TMEM74: variants seen among roughly 807,000 people sequenced by gnomAD.
TMEM74 encodes transmembrane protein 74.
In TMEM74, 13 loss-of-function variants were observed where a neutral mutation model predicts 18.1. The observed-to-expected ratio is 0.72, with a 90% CI of 0.47 to 1.14. The LOEUF is 1.14. Ranked by LOEUF, TMEM74 falls within the 50% of genes most tolerant of loss-of-function variation. The probability of loss-of-function intolerance (pLI) is 0.00; values close to 1 mark genes in which losing one functional copy is unlikely to be tolerated. For synonymous variants in TMEM74, 159 were observed against 146.6 expected (o/e 1.08, Z -0.61); for missense variants, 372 against 375.9 (o/e 0.99, Z 0.09).
At chr8:108,727,681 T>C (rs1406811507) in intron 1 of TMEM74, among the ~76,000 whole-genome samples, 1 of 152,164 alleles carries the variant, frequency 6.6e-6, no homozygotes, top group Non-Finnish European at 1.5e-5. Flanking sequence ...GAACTGGAGA[T>C]ACAACTTTGG....
chr8:108,654,889 C>T (rs968634986), intron 2 of TMEM74, among the ~76,000 whole-genome samples: 3 of 151,874 alleles, frequency 2.0e-5, no homozygotes, highest in Non-Finnish European at 4.4e-5. Flanking sequence ...TTAGTTCCAT[C>T]GTATACTGTA....
chr8:108,787,282 C>T lies in TMEM74; in HGVS notation c.-40+194G>A, dbSNP rs146681813. On this transcript the variant is annotated intron_variant, in intron 1 of 1. Coordinates refer to ENST00000297459, the MANE Select transcript of TMEM74 (RefSeq NM_153015.3). ...AAGCACCTGGCAGCGGTGCCCCCAG[C>T]AGGCGCCGAGGAATCCGGCTATCCA... 5.3e-3 allele frequency among the ~76,000 whole-genome samples: 801 copies of T among 152,300 alleles called. 4 individuals are homozygous for T. The highest frequency in any genetic ancestry group is 0.018 in the African/African-American group (751 of 41,562).
chr8:108,657,442 T>C (rs1038305643), intron 1 of TMEM74, among the ~76,000 whole-genome samples: 1 of 152,092 alleles, frequency 6.6e-6, no homozygotes, highest in African/African-American at 2.4e-5. Flanking sequence ...ATGTTTGGGT[T>C]CCTGGATGCT....
chr8:108,735,649 A>G (rs1351295263), intron 1 of TMEM74, among the ~76,000 whole-genome samples: 1 of 152,190 alleles, frequency 6.6e-6, no homozygotes, highest in Non-Finnish European at 1.5e-5. Flanking sequence ...TTTAAATGTT[A>G]TGAATAATCC....
At chr8:108,765,367 G>A (rs1257485744) in intron 1 of TMEM74, among the ~76,000 whole-genome samples, 2 of 149,844 alleles carry the variant, frequency 1.3e-5, no homozygotes, top group African/African-American at 2.5e-5. Context: ...GGACCCCATA[G>A]GCAACACAAC....
chr8:108,634,921 G>A (rs145080176), intron 2 of TMEM74, among the ~76,000 whole-genome samples: 6 of 152,088 alleles, frequency 3.9e-5, no homozygotes, highest in Non-Finnish European at 8.8e-5. Context: ...CCCAAAGTGA[G>A]TCTTACACGC....
intron 1 of TMEM74, among the ~76,000 whole-genome samples, chr8:108,760,060 C>T (rs907498160): frequency 6.6e-6 from 1 of 151,496 alleles, no homozygotes; most frequent in Non-Finnish European, 1.5e-5. Flanking sequence ...GTAGTTGTAG[C>T]TACTCAGGAG....
At chr8:108,718,847 CAT>C (rs1374723885) in intron 1 of TMEM74, among the ~76,000 whole-genome samples, 1 of 151,800 alleles carries the variant, frequency 6.6e-6, no homozygotes, top group Non-Finnish European at 1.5e-5. Flanking sequence ...TTTATATTCA[CAT>C]AGTTTAAATG....
rs1563543700 is a variant in TMEM74, at chr8:108,756,638, G to GAAA, written n.119+30837_119+30838insTTT. Among the ~76,000 whole-genome samples, 273 of 69,158 alleles carry GAAA rather than the reference G, an allele frequency of 3.9e-3. 3 individuals carry two copies. Among genetic ancestry groups the GAAA allele is most frequent in the Non-Finnish European group, 5.1e-3 (186 of 36,712 alleles). The allele number at this position is 69,158 out of a possible 152,430, so 45.4% of individuals were successfully genotyped here. A position where few individuals can be genotyped will look rare whatever the true frequency, so the allele number is the denominator to read the frequency against. On this transcript the variant is annotated intron_variant and non_coding_transcript_variant, in intron 1 of 3. Transcript: ENST00000518838. ...AGGAAGGAAGGAAGGAAGGAAGGAA[G>GAAA]GAAGAAAGAAAGAGAAAGAAAGAAA... is the stretch of plus-strand genomic sequence containing the variant.
intron 1 of TMEM74, among the ~76,000 whole-genome samples, chr8:108,732,497 C>T (rs1249845369): frequency 1.3e-5 from 2 of 151,996 alleles, no homozygotes; most frequent in Non-Finnish European, 2.9e-5. Context: ...AGATGTGTTA[C>T]AAAGTTGCAG....
At chr8:108,701,197 T>TAA (rs34352264) in intron 1 of TMEM74, among the ~76,000 whole-genome samples, 71 of 135,438 alleles carry the variant, frequency 5.2e-4, no homozygotes, top group Non-Finnish European at 9.5e-4. Flanking sequence ...ATTCATGACT[T>TAA]AAAAAAAAAA....
At chr8:108,667,071 C>T (rs1167640079) in intron 1 of TMEM74, among the ~76,000 whole-genome samples, 2 of 152,086 alleles carry the variant, frequency 1.3e-5, no homozygotes, top group African/African-American at 4.8e-5. Context: ...GTCTAATTTC[C>T]CAACATAGAT....
At chr8:108,728,334 G>T (rs1260665933) in intron 1 of TMEM74, among the ~76,000 whole-genome samples, 1 of 152,150 alleles carries the variant, frequency 6.6e-6, no homozygotes, top group African/African-American at 2.4e-5. Context: ...AACAAGTGAG[G>T]CTATAGACAT....
intron 2 of TMEM74, among the ~76,000 whole-genome samples, chr8:108,611,038 A>G (rs971791646): frequency 2.0e-5 from 3 of 152,196 alleles, no homozygotes; most frequent in African/African-American, 7.2e-5. Flanking sequence ...TCCTCAAAAT[A>G]TACTACATTC....
intron 2 of TMEM74, among the ~76,000 whole-genome samples, chr8:108,625,743 G>A (rs1400812647): frequency 6.6e-6 from 1 of 151,890 alleles, no homozygotes; most frequent in Non-Finnish European, 1.5e-5. Flanking sequence ...ATAAAATCTA[G>A]TTATTTTTAA....
rs1285791199 is a variant in TMEM74, at chr8:108,670,034, TGAA to T, written n.120-14600_120-14598del. Among the ~76,000 whole-genome samples the T allele has an allele frequency of 1.6e-3, 183 of 113,900 alleles. 1 individual carries two copies. Among genetic ancestry groups the T allele is most frequent in the Admixed American group, 2.7e-3 (27 of 10,148 alleles). The allele number at this position is 113,900 out of a possible 152,430, so 74.7% of individuals were successfully genotyped here. ...GCCTGGATGACAGAGTAAGATTCTGTGAAAAAAAAAAAAAAAAAAAAAAGGCAA... is the reference window on the plus strand; with the variant it reads ...GCCTGGATGACAGAGTAAGATTCTGTAAAAAAAAAAAAAAAAAAAAGGCAA... On this transcript the variant is annotated intron_variant and non_coding_transcript_variant, in intron 1 of 3. Coordinates refer to the TMEM74 transcript ENST00000518838.
intron 1 of TMEM74, among the ~76,000 whole-genome samples, chr8:108,687,625 A>G (rs983437347): frequency 6.6e-6 from 1 of 152,102 alleles, no homozygotes; most frequent in Admixed American, 6.6e-5. Flanking sequence ...CTGCAACTAG[A>G]TGGTCCCATC....
chr8:108,611,525 A>T (rs1460185765), intron 2 of TMEM74, among the ~76,000 whole-genome samples: 1 of 152,344 alleles, frequency 6.6e-6, no homozygotes, highest in Non-Finnish European at 1.5e-5. Flanking sequence ...GCTCATAGAA[A>T]ACATAATGGT....
chr8:108,758,694 G>T (rs557034832), intron 1 of TMEM74, among the ~76,000 whole-genome samples: 7 of 152,032 alleles, frequency 4.6e-5, no homozygotes, highest in East Asian at 3.9e-4. Context: ...ACCTATCAGA[G>T]AAATTATCAG....
Sources: gnomAD v4.1 joint callset for allele counts (sites outside exome capture counted in the v4.1 genomes callset) on GRCh38, gnomAD v4.1.1 for gene constraint, MANE v1.5 for transcripts, NCBI Gene and HGNC (gene_info 2026-07-23, HGNC 2026-07-21) for gene names.